TBL1XR1: variants seen among roughly 807,000 people sequenced by gnomAD.
TBL1XR1 encodes the protein TBL1X/Y related 1.
In TBL1XR1, 5 loss-of-function variants were observed where a neutral mutation model predicts 66.9. The ratio of observed to expected loss-of-function variants is 0.07; its 90% CI spans 0.04 to 0.16. TBL1XR1 has a LOEUF of 0.16. Among genes scored for constraint, TBL1XR1 ranks in the 10% least tolerant of loss-of-function variants. The pLI, the probability that TBL1XR1 is intolerant of heterozygous loss-of-function variation, is 1.00. For synonymous variants in TBL1XR1, 210 were observed against 206.0 expected (o/e 1.02, Z -0.17); for missense variants, 238 against 623.2 (o/e 0.38, Z 6.58).
intron 1 of TBL1XR1, among the ~76,000 whole-genome samples, chr3:177,159,905 T>G (rs79359395): frequency 0.02 from 3,048 of 152,316 alleles, 55 homozygotes; most frequent in Admixed American, 0.052. Flanking sequence ...TTTAAAAATT[T>G]TTTAAGCTAT....
At chr3:177,131,121 C>A (rs1369196370) in intron 1 of TBL1XR1, among the ~76,000 whole-genome samples, 1 of 151,950 alleles carries the variant, frequency 6.6e-6, no homozygotes. Flanking sequence ...ATGTCAAGCA[C>A]AATGGCAACA....
chr3:177,058,905 G>C (rs999694495), intron 3 of TBL1XR1, among the ~76,000 whole-genome samples: 1 of 151,964 alleles, frequency 6.6e-6, no homozygotes, highest in Non-Finnish European at 1.5e-5. Flanking sequence ...CTTACAAAAA[G>C]AGGAGAAAAA....
chr3:177,199,157 C>A (rs1336853972), upstream of TBL1XR1, among the ~76,000 whole-genome samples: 5 of 152,258 alleles, frequency 3.3e-5, no homozygotes, highest in African/African-American at 1.2e-4. Flanking sequence ...GTCCTTAGAG[C>A]TATTTTCATG....
intron 2 of TBL1XR1, among the ~76,000 whole-genome samples, chr3:177,082,193 T>C (rs1370604407): frequency 2.0e-5 from 3 of 152,136 alleles, no homozygotes; most frequent in Non-Finnish European, 4.4e-5. Context: ...AAAGTTATAA[T>C]ATATACAAAT....
intron 1 of TBL1XR1, among the ~76,000 whole-genome samples, chr3:177,122,385 T>C (rs1005056642): frequency 4.0e-5 from 6 of 151,272 alleles, no homozygotes; most frequent in African/African-American, 1.2e-4. Flanking sequence ...GGTGATGTAA[T>C]AGAACTAAGA....
At position 177,071,031 on chromosome 3, in the gene TBL1XR1, G is replaced by GTTTTTT. The variant is rs764951521; in HGVS notation, c.-45-6015_-45-6010dup. 9.9e-3 allele frequency among the ~76,000 whole-genome samples: 1,033 copies of GTTTTTT among 104,622 alleles called. 79 individuals are homozygous for GTTTTTT. The highest frequency in any genetic ancestry group is 0.038 in the African/African-American group (978 of 25,788). The allele number at this position is 104,622 out of a possible 152,430, so 68.6% of individuals were successfully genotyped here. The stretch of plus-strand genomic sequence containing the variant: ...TGGAACAGACATGTTCTGAGAATCT[G>GTTTTTT]TTTTTTTTTTTTTTTTTGAGACAGA... On this transcript the variant is annotated intron_variant, in intron 2 of 15. Coordinates refer to ENST00000457928, the MANE Select transcript of TBL1XR1 (RefSeq NM_024665.7).
intron 9 of TBL1XR1, among the ~76,000 whole-genome samples, chr3:177,046,414 T>C (rs1716330224): frequency 6.6e-6 from 1 of 152,238 alleles, no homozygotes; most frequent in African/African-American, 2.4e-5. Flanking sequence ...TTACTTCAAA[T>C]AACAATTACT....
rs1344252561 is a variant in TBL1XR1 at position 177,098,503 on chromosome 3, T to C, written c.-83A>G. On this transcript the variant is annotated 5_prime_UTR_variant, in exon 2 of 16. It adds an upstream start codon to the 5' untranslated region. Transcript: ENST00000457928. ...ATTGATGTGGGGATGTGCAACTGAA[T>C]ATCCGGTCACCGCCAATCACAAGTT... 2 of 985,850 alleles carry C rather than the reference T, an allele frequency of 2.0e-6. No individual in the cohort carries two copies. Among genetic ancestry groups the C allele is most frequent in the South Asian group, 4.7e-5 (1 of 21,286 alleles). 61.1% of individuals were successfully genotyped at this position (985,850 alleles called of 1,614,324 possible).
intron 1 of TBL1XR1, among the ~76,000 whole-genome samples, chr3:177,145,778 A>T (rs1339971402): frequency 6.6e-6 from 1 of 152,194 alleles, no homozygotes; most frequent in Non-Finnish European, 1.5e-5. Flanking sequence ...GAGTAGATTA[A>T]CCCTCCCAAT....
intron 1 of TBL1XR1, among the ~76,000 whole-genome samples, chr3:177,103,597 T>C (rs1043848245): frequency 4.6e-5 from 7 of 152,172 alleles, no homozygotes; most frequent in Non-Finnish European, 1.0e-4. Context: ...TCTTCAAAAA[T>C]ACTACATTGC....
chr3:177,172,994 G>A (rs1281168155), intron 1 of TBL1XR1, among the ~76,000 whole-genome samples: 1 of 152,070 alleles, frequency 6.6e-6, no homozygotes, highest in Non-Finnish European at 1.5e-5. Context: ...ACAACAAGGA[G>A]AAACCTCGTA....
At chr3:177,038,490 A>T in intron 10 of TBL1XR1, 56 bp from the exon 11 acceptor site, 2 of 1,421,886 alleles carry the variant, frequency 1.4e-6, no homozygotes, top group South Asian at 3.4e-5. Context: ...AAAATCCAAG[A>T]GTTTTAGCTT....
At chr3:177,052,984 C>A (rs1189148817) in intron 4 of TBL1XR1, among the ~76,000 whole-genome samples, 1 of 152,128 alleles carries the variant, frequency 6.6e-6, no homozygotes, top group Non-Finnish European at 1.5e-5. Flanking sequence ...TGCCTATAAT[C>A]CCAGCTGCTA....
At chr3:177,139,449 C>T (rs1729373998) in intron 1 of TBL1XR1, among the ~76,000 whole-genome samples, 1 of 151,786 alleles carries the variant, frequency 6.6e-6, no homozygotes, top group Non-Finnish European at 1.5e-5. Context: ...GCAGGAGAAT[C>T]GCTTGAACTC....
At chr3:177,038,272 G>A in intron 11 of TBL1XR1, 41 bp downstream of exon 11, 1 of 1,594,630 alleles carries the variant, frequency 6.3e-7, no homozygotes, top group South Asian at 1.1e-5. Context: ...AACATTACTT[G>A]TTAATCATGA....
intron 3 of TBL1XR1, among the ~76,000 whole-genome samples, chr3:177,054,474 T>G (rs1376117805): frequency 6.6e-6 from 1 of 152,202 alleles, no homozygotes; most frequent in Non-Finnish European, 1.5e-5. Flanking sequence ...ATGATCTTCA[T>G]TTACTTCATG....
intron 1 of TBL1XR1, among the ~76,000 whole-genome samples, chr3:177,167,153 T>A (rs1176276610): frequency 6.6e-6 from 1 of 152,216 alleles, no homozygotes; most frequent in East Asian, 1.9e-4. Context: ...AATGGATTAT[T>A]ATTCTACACT....
At chr3:177,173,924 G>A (rs1364499685) in intron 1 of TBL1XR1, among the ~76,000 whole-genome samples, 1 of 152,086 alleles carries the variant, frequency 6.6e-6, no homozygotes, top group African/African-American at 2.4e-5. Context: ...ACACTCCAAT[G>A]TTATCAAAGA....
intron 1 of TBL1XR1, among the ~76,000 whole-genome samples, chr3:177,160,495 C>T (rs973685820): frequency 3.3e-5 from 5 of 150,300 alleles, no homozygotes; most frequent in African/African-American, 1.2e-4. Context: ...AAAAAGTATC[C>T]AATTGGCAGC....
Sources: gnomAD v4.1 joint callset for allele counts (sites outside exome capture counted in the v4.1 genomes callset) on GRCh38, gnomAD v4.1.1 for gene constraint, MANE v1.5 for transcripts, NCBI Gene and HGNC (gene_info 2026-07-23, HGNC 2026-07-21) for gene names.